EIF3CL: variants seen among roughly 807,000 people sequenced by gnomAD.
EIF3CL encodes eukaryotic translation initiation factor 3 subunit C like, also known as eukaryotic translation initiation factor 3 subunit C-like protein.
For synonymous variants in EIF3CL, 2 were observed against 19.6 expected (o/e 0.10, Z 2.37); for missense variants, 5 against 56.1 (o/e 0.09, Z 2.91).
the EIF3CL span, chr16:28,414,458 T>C: frequency 3.4e-6 from 1 of 292,918 alleles, no homozygotes. Flanking sequence ...GATGAGAAGA[T>C]GGTCAACTAC....
At chr16:28,419,290 G>A in the EIF3CL span, among the ~76,000 whole-genome samples, 6 of 150,824 alleles carry the variant, frequency 4.0e-5, no homozygotes, top group African/African-American at 1.2e-4. Context: ...ACAGGTGTAA[G>A]CCAGTGCGCC....
the EIF3CL span, among the ~76,000 whole-genome samples, chr16:28,422,585 C>G: frequency 1.4e-5 from 2 of 140,894 alleles, no homozygotes; most frequent in Non-Finnish European, 3.1e-5. Flanking sequence ...GTAATACCCG[C>G]AATCTGGGAG....
chr16:28,419,434 T>C, the EIF3CL span, among the ~76,000 whole-genome samples: 1 of 146,384 alleles, frequency 6.8e-6, no homozygotes, highest in Non-Finnish European at 1.5e-5. Context: ...TAGATGGCTA[T>C]TCCTATTATA....
chr16:28,387,633 AAC>A (rs2045615020), intron 15 of EIF3CL, among the ~76,000 whole-genome samples: 1 of 150,402 alleles, frequency 6.6e-6, no homozygotes, highest in Non-Finnish European at 1.5e-5. Context: ...ATAGAATAGA[AAC>A]ACAAACAGGA....
chr16:28,423,748 T>A, the EIF3CL span, among the ~76,000 whole-genome samples: 1 of 82,080 alleles, frequency 1.2e-5, no homozygotes, highest in African/African-American at 3.7e-5. Flanking sequence ...ACACCTTACA[T>A]TTGCACAAGC....
At chr16:28,408,319 A>G (rs1178747287), upstream of EIF3CL, among the ~76,000 whole-genome samples, 50 of 55,930 alleles carry the variant, frequency 8.9e-4, 1 homozygote, top group Non-Finnish European at 1.6e-3. Context: ...CAAACGTAAC[A>G]TGGGTGTATT....
the EIF3CL span, among the ~76,000 whole-genome samples, chr16:28,426,082 AACACAC>A: frequency 1.9e-5 from 2 of 103,942 alleles, no homozygotes; most frequent in South Asian, 5.3e-4. Context: ...ACTCTGTCTC[AACACAC>A]ACACACACAC....
rs1380378813 is a variant in EIF3CL, at chr16:28,403,018, G to A, written c.101+500C>T. 2.8e-5 allele frequency among the ~76,000 whole-genome samples: 3 copies of A among 108,920 alleles called. 1 individual carries two copies. The highest frequency in any genetic ancestry group is 4.3e-5 in the Non-Finnish European group (2 of 46,788). The allele number at this position is 108,920 out of a possible 152,430, so 71.5% of individuals were successfully genotyped here. A position where few individuals can be genotyped will look rare whatever the true frequency, so the allele number is the denominator to read the frequency against. ...GAAAAACCATTCTATTGTTCCAAAG[G>A]GTAAAAAAAAAAAAATTAATGTACA... is the stretch of plus-strand genomic sequence containing the variant. On this transcript the variant is annotated intron_variant, in intron 2 of 20. Transcript: ENST00000380876.
the EIF3CL span, among the ~76,000 whole-genome samples, chr16:28,413,119 T>TACTA: frequency 4.4e-4 from 38 of 85,678 alleles, no homozygotes; most frequent in African/African-American, 1.6e-3. Context: ...ATTTAGTTCA[T>TACTA]ACTAATACAC....
the EIF3CL span, among the ~76,000 whole-genome samples, chr16:28,416,762 GT>G: frequency 1.8e-5 from 2 of 114,228 alleles, no homozygotes; most frequent in African/African-American, 3.1e-5. Context: ...GGTGGGGGGG[GT>G]CAGCCCCCCC....
intron 2 of EIF3CL, among the ~76,000 whole-genome samples, chr16:28,403,190 G>C (rs2045667825): frequency 8.5e-6 from 1 of 117,748 alleles, no homozygotes; most frequent in Non-Finnish European, 1.8e-5. Context: ...TCTGTGAGCA[G>C]TGAGAAGTCA....
rs1378753007 is a variant in EIF3CL, at chr16:28,385,400, G to A, written c.1822-1919C>T. Among the ~76,000 whole-genome samples the A allele has an allele frequency of 1.6e-5, 2 of 122,612 alleles. 1 individual carries two copies. The highest frequency in any genetic ancestry group is 3.7e-5 in the Non-Finnish European group (2 of 54,598). The allele number at this position is 122,612 out of a possible 152,430, so 80.4% of individuals were successfully genotyped here. On this transcript the variant is annotated intron_variant, in intron 15 of 20. Transcript: ENST00000380876. Reference sequence around the variant, plus strand: ...CAGGCTAGAGTGCAGTGGCGTGATCGTGGCTCCTGCAGCCTCGACCTCCTG... The same window carrying A: ...CAGGCTAGAGTGCAGTGGCGTGATCATGGCTCCTGCAGCCTCGACCTCCTG...
At chr16:28,405,916 C>T (rs1452324381), upstream of EIF3CL, among the ~76,000 whole-genome samples, 5 of 151,240 alleles carry the variant, frequency 3.3e-5, no homozygotes, top group Non-Finnish European at 7.4e-5. Flanking sequence ...CACACACACA[C>T]AGAGTTGACT....
the EIF3CL span, among the ~76,000 whole-genome samples, chr16:28,417,830 A>T: frequency 7.3e-5 from 7 of 95,542 alleles, no homozygotes; most frequent in Non-Finnish European, 2.0e-4. Context: ...ATAAATTTAA[A>T]AAAAAAAAAA....
the EIF3CL span, among the ~76,000 whole-genome samples, chr16:28,416,823 G>A: frequency 1.8e-4 from 14 of 75,942 alleles, no homozygotes; most frequent in African/African-American, 4.3e-4. Flanking sequence ...CTGCCCGGCC[G>A]CCCCTACTGG....
the EIF3CL span, among the ~76,000 whole-genome samples, chr16:28,425,716 CAG>C: frequency 1.2e-5 from 1 of 85,786 alleles, no homozygotes; most frequent in African/African-American, 4.4e-5. Context: ...GTCATTTAAA[CAG>C]GGAAGTTTTA....
At chr16:28,417,235 A>C in the EIF3CL span, among the ~76,000 whole-genome samples, 1 of 144,536 alleles carries the variant, frequency 6.9e-6, no homozygotes, top group Admixed American at 6.8e-5. Flanking sequence ...CCATCCGGGA[A>C]GTGAGGGGCG....
the EIF3CL span, among the ~76,000 whole-genome samples, chr16:28,416,743 C>T: frequency 1.5e-4 from 17 of 113,282 alleles, no homozygotes; most frequent in South Asian, 2.5e-4. Context: ...CCACCCCGTC[C>T]GGGAGGGAGG....
At chr16:28,416,736 C>T in the EIF3CL span, among the ~76,000 whole-genome samples, 1 of 119,386 alleles carries the variant, frequency 8.4e-6, no homozygotes, top group Admixed American at 9.1e-5. Flanking sequence ...CCGGCAGCCA[C>T]CCCGTCCGGG....
Sources: gnomAD v4.1 joint callset for allele counts (sites outside exome capture counted in the v4.1 genomes callset) on GRCh38, gnomAD v4.1.1 for gene constraint, MANE v1.5 for transcripts, NCBI Gene and HGNC (gene_info 2026-07-23, HGNC 2026-07-21) for gene names.